Variants in FAM13B observed in about 807,000 individuals in gnomAD.
FAM13B encodes protein FAM13B.
In FAM13B, 60 loss-of-function variants were observed where a neutral mutation model predicts 117.3. The observed-to-expected ratio is 0.51, with a 90% CI of 0.42 to 0.63. The LOEUF is 0.63. FAM13B is among the 30% of genes least tolerant of loss of function. FAM13B has a pLI of 0.00. For synonymous variants in FAM13B, 332 were observed against 356.1 expected (o/e 0.93, Z 0.76); for missense variants, 972 against 1,091.9 (o/e 0.89, Z 1.55).
intron 1 of FAM13B, among the ~76,000 whole-genome samples, chr5:138,051,024 G>C (rs115377920): frequency 1.6e-4 from 24 of 152,006 alleles, no homozygotes; most frequent in Non-Finnish European, 2.4e-4. Context: ...ATATTAGTGG[G>C]GGGGGGAGAA....
chr5:137,971,891 A>G (rs1772295972), intron 10 of FAM13B, among the ~76,000 whole-genome samples: 1 of 152,172 alleles, frequency 6.6e-6, no homozygotes, highest in Non-Finnish European at 1.5e-5. Context: ...CAACACATAC[A>G]CTCTCCCAAG....
At chr5:138,038,022 T>C (rs1484063301), upstream of FAM13B, among the ~76,000 whole-genome samples, 2 of 152,248 alleles carry the variant, frequency 1.3e-5, no homozygotes, top group African/African-American at 2.4e-5. Context: ...ATTAGCCATA[T>C]ACAATTTTTT....
Position 137,959,643 on chromosome 5 carries a change from T to C in FAM13B, c.1414A>G (p.Asn472Asp). Reference sequence around the variant, plus strand: ...TCCCATTTATCACCATCAGAAACATTCTTCAGATCTAAATGTGGAATACTG... The same window carrying C: ...TCCCATTTATCACCATCAGAAACATCCTTCAGATCTAAATGTGGAATACTG... ...CVSIPHLDLK[N>D]VSDGDKWEAS... is the part of the protein sequence containing the mutation. The change falls in exon 13 of 24, where the codon AAT (asparagine) becomes GAT (aspartate). Residue 472 changes from asparagine to aspartate, a missense_variant. Transcript: ENST00000689681. 4.3e-6 allele frequency: 7 copies of C among 1,613,944 alleles called. No individual in the cohort carries two copies. The highest frequency in any genetic ancestry group is 5.9e-6 in the Non-Finnish European group (7 of 1,179,834).
At chr5:138,046,374 G>A (rs770741496) in intron 1 of FAM13B, among the ~76,000 whole-genome samples, 6 of 152,224 alleles carry the variant, frequency 3.9e-5, no homozygotes, top group Non-Finnish European at 8.8e-5. Context: ...TCAGGATGGT[G>A]GTTTATCTCT....
At chr5:138,023,175 T>A (rs1787239646) in intron 1 of FAM13B, among the ~76,000 whole-genome samples, 1 of 152,166 alleles carries the variant, frequency 6.6e-6, no homozygotes, top group African/African-American at 2.4e-5. Context: ...GAAAGCATAT[T>A]TTTCTAAGGT....
At chr5:137,969,249 C>T (rs1456784959) in intron 10 of FAM13B, among the ~76,000 whole-genome samples, 6 of 152,218 alleles carry the variant, frequency 3.9e-5, no homozygotes, top group East Asian at 1.9e-4. Context: ...TCTCCCAGCA[C>T]GCAGCTGGAG....
intron 10 of FAM13B, among the ~76,000 whole-genome samples, chr5:137,975,128 T>C (rs181922034): frequency 6.7e-4 from 102 of 152,282 alleles, no homozygotes; most frequent in African/African-American, 2.2e-3. Flanking sequence ...TCCTGCTCTA[T>C]CTAGCCTTAC....
intron 7 of FAM13B, among the ~76,000 whole-genome samples, chr5:137,993,659 C>T (rs13187095): frequency 2.0e-5 from 3 of 151,518 alleles, no homozygotes; most frequent in Admixed American, 6.6e-5. Flanking sequence ...TGGTGGTGTG[C>T]GCCTGTAGTT....
intron 4 of FAM13B, 135 bp downstream of exon 4, chr5:138,018,167 C>A: frequency 1.3e-6 from 1 of 795,276 alleles, no homozygotes; most frequent in Admixed American, 2.9e-5. Context: ...TCATACAACC[C>A]CAAAAAGCAA....
intron 4 of FAM13B, among the ~76,000 whole-genome samples, chr5:138,017,520 G>A (rs1271987936): frequency 6.6e-6 from 1 of 152,048 alleles, no homozygotes; most frequent in Non-Finnish European, 1.5e-5. Context: ...GCCTGAAAGG[G>A]TAATTTTAAA....
rs183168616 is a variant in FAM13B, at chr5:138,043,905, A to G, written c.-203+7973T>C. 6.6e-5 allele frequency among the ~76,000 whole-genome samples: 10 copies of G among 151,806 alleles called. No individual in the cohort carries two copies. In the East Asian group the frequency reaches 9.7e-4, roughly 15 times the overall value. On this transcript the variant is annotated intron_variant, in intron 1 of 3. Coordinates refer to the FAM13B transcript ENST00000502471. ...ACATTTTCTATATGAATATTGCACA[A>G]TGAAAAGGGGGGTATTTTGGTATTT...
At chr5:138,026,749 G>GGCCAACATGGTAAAACCCT (rs2151038130) in intron 1 of FAM13B, among the ~76,000 whole-genome samples, 1 of 150,580 alleles carries the variant, frequency 6.6e-6, no homozygotes, top group South Asian at 2.1e-4. Context: ...AGACCAGCCT[G>GGCCAACATGGTAAAACCCT]GCCAACATGG....
chr5:138,011,482 G>A lies in FAM13B; in HGVS notation c.548+286C>T, dbSNP rs566783977. ...CACCCAGGCTGGAGTGCATTGGCGC[G>A]ATCTCGGCTCACTGCAAGCTCCGCC... On this transcript the variant is annotated intron_variant, in intron 5 of 23. Coordinates refer to ENST00000689681, the MANE Select transcript of FAM13B (RefSeq NM_001385994.1). 4.2e-4 allele frequency among the ~76,000 whole-genome samples: 63 copies of A among 151,646 alleles called. 1 individual carries two copies. The highest frequency in any genetic ancestry group is 2.7e-3 in the Admixed American group (41 of 15,210).
At chr5:137,967,393 A>G (rs1488764464) in intron 10 of FAM13B, among the ~76,000 whole-genome samples, 1 of 152,064 alleles carries the variant, frequency 6.6e-6, no homozygotes, top group East Asian at 1.9e-4. Context: ...GCGTGGTGGC[A>G]GGTGCCTGCA....
At chr5:137,978,014 T>C (rs1387281002) in intron 10 of FAM13B, among the ~76,000 whole-genome samples, 2 of 152,168 alleles carry the variant, frequency 1.3e-5, no homozygotes, top group Non-Finnish European at 2.9e-5. Flanking sequence ...CACAAAGAAA[T>C]TGGGACTGCA....
In FAM13B at chr5:137,959,482, C is replaced by G. The variant is rs1767532423; in HGVS notation, c.1441+134G>C. 3 of 924,686 alleles carry G rather than the reference C, an allele frequency of 3.2e-6. No homozygotes were observed. In the African/African-American group the frequency reaches 5.0e-5, roughly 15 times the overall value. The allele number at this position is 924,686 out of a possible 1,614,324, so 57.3% of individuals were successfully genotyped here. A position where few individuals can be genotyped will look rare whatever the true frequency, so the allele number is the denominator to read the frequency against. The stretch of plus-strand genomic sequence containing the variant: ...TCACTAAAAACACCCACTTGTTCAT[C>G]TTACATGAAAGGGAGAACAGAAGAT... On this transcript the variant is annotated intron_variant, in intron 13 of 23. Transcript: ENST00000689681.
intron 17 of FAM13B, among the ~76,000 whole-genome samples, chr5:137,951,600 A>G (rs1765050449): frequency 6.6e-6 from 1 of 152,192 alleles, no homozygotes; most frequent in South Asian, 2.1e-4. Flanking sequence ...TCAAGGCTGC[A>G]GTGAGCCATG....
At chr5:137,981,213 C>T (rs1179025470) in intron 10 of FAM13B, among the ~76,000 whole-genome samples, 2 of 149,974 alleles carry the variant, frequency 1.3e-5, no homozygotes, top group Admixed American at 6.7e-5. Context: ...GCTAGGATTA[C>T]AGGCATGAGC....
In FAM13B at chr5:137,982,545, A is replaced by ACC. The variant is rs1554073595; in HGVS notation, c.1179+2711_1179+2712insGG. On this transcript the variant is annotated intron_variant, in intron 10 of 23. Coordinates refer to ENST00000689681, the MANE Select transcript of FAM13B (RefSeq NM_001385994.1). ...CAAAAACAACAACAACAACAACAAC[A>ACC]ACCTTCATTCCAGAAGTATCTACCC... Among the ~76,000 whole-genome samples, 23 of 151,902 alleles carry ACC rather than the reference A, an allele frequency of 1.5e-4. No homozygotes were observed. In the East Asian group the frequency reaches 2.7e-3, roughly 18 times the overall value.
Sources: gnomAD v4.1 joint callset for allele counts (sites outside exome capture counted in the v4.1 genomes callset) on GRCh38, gnomAD v4.1.1 for gene constraint, MANE v1.5 for transcripts, NCBI Gene and HGNC (gene_info 2026-07-23, HGNC 2026-07-21) for gene names.